Variants in PPARGC1B observed in about 807,000 individuals in gnomAD.
PPARGC1B encodes PPARG coactivator 1 beta.
A neutral mutation model predicts 101.6 loss-of-function variants in PPARGC1B; 34 were observed. The observed-to-expected ratio is 0.33, with a 90% CI of 0.25 to 0.45. The LOEUF is 0.45. Among genes scored for constraint, PPARGC1B ranks in the 20% least tolerant of loss-of-function variants. The pLI is 1.00. For missense variants in PPARGC1B, 1,234 were observed against 1,317.6 expected, an observed-to-expected ratio of 0.94 and a Z score of 0.98; for synonymous variants, 548 against 539.3, an observed-to-expected ratio of 1.02 and a Z score of -0.22.
intron 1 of PPARGC1B, chr5:149,761,611 T>C (rs1581023787): frequency 6.6e-6 from 1 of 152,140 alleles, no homozygotes; most frequent in African/African-American, 2.4e-5. Context: ...AAAGAAAATG[T>C]GGTATGTACA....
intron 1 of PPARGC1B, among the ~76,000 whole-genome samples, chr5:149,816,897 GT>G (rs1425681844): frequency 6.6e-6 from 1 of 152,188 alleles, no homozygotes; most frequent in Non-Finnish European, 1.5e-5. Context: ...TACAACAGCT[GT>G]TAAACCATCT....
chr5:149,814,557 G>A (rs562224580), intron 1 of PPARGC1B, among the ~76,000 whole-genome samples: 6 of 152,242 alleles, frequency 3.9e-5, no homozygotes, highest in African/African-American at 1.4e-4. Context: ...AGCTGTCACT[G>A]CAGCCACCCC....
At chr5:149,767,148 G>A (rs192707744) in intron 1 of PPARGC1B, among the ~76,000 whole-genome samples, 10 of 152,236 alleles carry the variant, frequency 6.6e-5, no homozygotes, top group Non-Finnish European at 7.4e-5. Context: ...TGGGCATCTC[G>A]GCCCATTTCC....
intron 1 of PPARGC1B, among the ~76,000 whole-genome samples, chr5:149,737,820 C>T (rs562028056): frequency 2.0e-4 from 31 of 152,222 alleles, no homozygotes; most frequent in African/African-American, 6.5e-4. Context: ...ATGATGAAAC[C>T]GCGTCTCTAC....
At chr5:149,737,888 G>T (rs1242430356) in intron 1 of PPARGC1B, among the ~76,000 whole-genome samples, 1 of 152,178 alleles carries the variant, frequency 6.6e-6, no homozygotes, top group Non-Finnish European at 1.5e-5. Flanking sequence ...CAGCTACTTG[G>T]GAGGCTGAGG....
intron 1 of PPARGC1B, among the ~76,000 whole-genome samples, chr5:149,778,145 AAC>A (rs60606878): frequency 1.1e-4 from 11 of 100,478 alleles, no homozygotes; most frequent in South Asian, 3.4e-4. Flanking sequence ...ATGGAGCAGC[AAC>A]ACACACACAC....
chr5:149,796,569 A>G (rs1429626404), intron 1 of PPARGC1B, among the ~76,000 whole-genome samples: 1 of 152,100 alleles, frequency 6.6e-6, no homozygotes, highest in African/African-American at 2.4e-5. Flanking sequence ...TGGGGTGAGC[A>G]AGTGTGGGAG....
chr5:149,809,454 TAG>T (rs1185891256), intron 1 of PPARGC1B, among the ~76,000 whole-genome samples: 2 of 135,030 alleles, frequency 1.5e-5, no homozygotes, highest in Admixed American at 1.6e-4. Context: ...GATAGATAGA[TAG>T]ATAGATAGAT....
chr5:149,796,203 G>C (rs1207608922), intron 1 of PPARGC1B, among the ~76,000 whole-genome samples: 2 of 152,196 alleles, frequency 1.3e-5, no homozygotes, highest in Admixed American at 1.3e-4. Context: ...CCACTTCAGA[G>C]TGAGCAGTCG....
Position 149,730,489 on chromosome 5 carries a change from C to T in PPARGC1B, c.78+69C>T, listed in dbSNP as rs1754410103. The T allele has an allele frequency of 6.8e-6, 9 of 1,324,294 alleles. No individual in the cohort carries two copies. Among genetic ancestry groups the T allele is most frequent in the Non-Finnish European group, 9.1e-6 (9 of 984,542 alleles). The allele number at this position is 1,324,294 out of a possible 1,614,324, so 82.0% of individuals were successfully genotyped here. On this transcript the variant is annotated intron_variant, in intron 1 of 11. Transcript: ENST00000309241. The surrounding 1 kb of genome is among the most constrained non-coding windows in gnomAD (Gnocchi z 4.0). ...GCTGCGGGGGCCGCAGCTGCAGCCG[C>T]GGAGGCCGGGAGGCAGCGGTGGGAG...
chr5:149,753,562 C>G (rs1283070578), intron 1 of PPARGC1B, among the ~76,000 whole-genome samples: 1 of 152,114 alleles, frequency 6.6e-6, no homozygotes, highest in Non-Finnish European at 1.5e-5. Context: ...CTACCTCTTA[C>G]ACAGAAATAG....
chr5:149,835,709 G>A (rs1378789295), intron 7 of PPARGC1B, among the ~76,000 whole-genome samples: 4 of 152,184 alleles, frequency 2.6e-5, no homozygotes, highest in African/African-American at 9.7e-5. Flanking sequence ...TTTGTTGAAC[G>A]ATTGGACGTA....
chr5:149,797,964 A>G (rs79718322), intron 1 of PPARGC1B, among the ~76,000 whole-genome samples: 26,376 of 152,106 alleles, frequency 0.17, 2,557 homozygotes, highest in South Asian at 0.33. Context: ...TATTTTATGC[A>G]TTCATAAATG....
Position 149,820,542 on chromosome 5 carries a change from G to C in PPARGC1B, c.188G>C (p.Trp63Ser). 1 of 1,613,944 alleles carries C rather than the reference G, an allele frequency of 6.2e-7. No homozygotes were observed. Among genetic ancestry groups the C allele is most frequent in the South Asian group, 1.1e-5 (1 of 91,068 alleles). The change falls in exon 2 of 12, where the codon TGG (tryptophan) becomes TCG (serine). Residue 63 changes from tryptophan to serine, a missense_variant. Trp to Ser is a radical substitution (Grantham distance 177, BLOSUM62 -3). Around this residue, in one of 3 missense-constraint regions of PPARGC1B, gnomAD observed 734 missense variants for 768.4 expected, o/e 0.96. Coordinates refer to ENST00000309241, the MANE Select transcript of PPARGC1B (RefSeq NM_133263.4). ...GCCACCTGCTTTGGGGAGCTGCAGTGGTGCCCAGAGAACTCAGAGACTGAA... is the reference window on the plus strand; with the variant it reads ...GCCACCTGCTTTGGGGAGCTGCAGTCGTGCCCAGAGAACTCAGAGACTGAA... ...DSATCFGELQ[W>S]CPENSETEPN...
At chr5:149,807,168 G>A (rs188829940) in intron 1 of PPARGC1B, among the ~76,000 whole-genome samples, 154 of 150,832 alleles carry the variant, frequency 1.0e-3, no homozygotes, top group African/African-American at 3.6e-3. Context: ...GTTTTGCCAC[G>A]TTGCTCAGAC....
intron 2 of PPARGC1B, among the ~76,000 whole-genome samples, chr5:149,824,115 A>G (rs1439925266): frequency 3.3e-5 from 5 of 152,240 alleles, no homozygotes; most frequent in African/African-American, 1.2e-4. Context: ...AGCAGCTGTT[A>G]GCAATACAGG....
chr5:149,841,280 A>G (rs1024754707), intron 9 of PPARGC1B, among the ~76,000 whole-genome samples: 6 of 152,104 alleles, frequency 3.9e-5, no homozygotes, highest in Non-Finnish European at 8.8e-5. Context: ...ACTCAGGGGG[A>G]CAAGTGTTTG....
chr5:149,755,073 A>ATATATATATC (rs1341785126), intron 1 of PPARGC1B, among the ~76,000 whole-genome samples: 1 of 142,936 alleles, frequency 7.0e-6, no homozygotes, highest in Non-Finnish European at 1.5e-5. Flanking sequence ...ATATATATAT[A>ATATATATATC]ATTTTTTTTT....
intron 10 of PPARGC1B, 170 bp from the exon 11 acceptor site, chr5:149,845,589 AT>A: frequency 1.6e-6 from 1 of 643,250 alleles, no homozygotes; most frequent in Non-Finnish European, 2.7e-6. Flanking sequence ...TGCTTTCATT[AT>A]TACCACATTG....
Sources: allele counts gnomAD v4.1 joint callset (sites outside exome capture counted in the v4.1 genomes callset), GRCh38; gene constraint gnomAD v4.1.1; regional missense constraint gnomAD v4.1.1; non-coding constraint Gnocchi (gnomAD v3.1); transcripts MANE v1.5; gene names NCBI Gene and HGNC (gene_info 2026-07-23, HGNC 2026-07-21).